SYT2: variants seen among roughly 807,000 people sequenced by gnomAD.
SYT2 encodes the protein synaptotagmin-2.
Under a neutral mutation model 39.9 loss-of-function variants are expected in SYT2, and 15 were observed. That is an observed-to-expected ratio of 0.38 (90% CI 0.25 to 0.58). The LOEUF is 0.58. SYT2 is among the 20% of genes least tolerant of loss of function. The pLI is 0.70. For missense variants in SYT2, 389 were observed against 530.3 expected (o/e 0.73, Z 2.62); for synonymous variants, 181 against 204.5 (o/e 0.89, Z 0.98).
At chr1:202,645,356 T>G (rs1165837451) in intron 1 of SYT2, among the ~76,000 whole-genome samples, 1 of 152,228 alleles carries the variant, frequency 6.6e-6, no homozygotes, top group African/African-American at 2.4e-5. Flanking sequence ...AAAGTGCTTC[T>G]GTTTTGAAAT....
chr1:202,653,924 T>A (rs535085823), intron 1 of SYT2, among the ~76,000 whole-genome samples: 1 of 152,274 alleles, frequency 6.6e-6, no homozygotes, highest in African/African-American at 2.4e-5. Flanking sequence ...TGGAGTGACA[T>A]CCCTGGGGCC....
At chr1:202,644,149 G>A (rs1692021473) in intron 1 of SYT2, among the ~76,000 whole-genome samples, 1 of 152,202 alleles carries the variant, frequency 6.6e-6, no homozygotes, top group South Asian at 2.1e-4. Flanking sequence ...CCTGGAGGGT[G>A]AGGTAAAGGC....
rs150491720 is a variant in SYT2, at chr1:202,644,433, G to C, written c.-17-38644C>G. 3.5e-3 allele frequency among the ~76,000 whole-genome samples: 538 copies of C among 152,218 alleles called. 3 individuals are homozygous for C. Among genetic ancestry groups the C allele is most frequent in the African/African-American group, 0.011 (464 of 41,534 alleles). Reference sequence around the variant, plus strand: ...GCCTGGGCAGCACTCCTGTGCCTCAGTGTCACCCTTGGGCCTCACCCTCAA... The same window carrying C: ...GCCTGGGCAGCACTCCTGTGCCTCACTGTCACCCTTGGGCCTCACCCTCAA... On this transcript the variant is annotated intron_variant, in intron 1 of 8. Coordinates refer to ENST00000367268, the MANE Select transcript of SYT2 (RefSeq NM_177402.5).
intron 1 of SYT2, among the ~76,000 whole-genome samples, chr1:202,606,937 C>T (rs1690726811): frequency 6.6e-6 from 1 of 151,844 alleles, no homozygotes; most frequent in East Asian, 1.9e-4. Flanking sequence ...AAGCCTTTTC[C>T]TTTATTGTTT....
At chr1:202,655,893 C>T (rs189773744) in intron 1 of SYT2, among the ~76,000 whole-genome samples, 11 of 152,238 alleles carry the variant, frequency 7.2e-5, no homozygotes, top group African/African-American at 2.4e-4. Flanking sequence ...GGTGATCATG[C>T]GCAAGGTGAC....
At chr1:202,655,284 G>A (rs1328453744) in intron 1 of SYT2, among the ~76,000 whole-genome samples, 3 of 152,184 alleles carry the variant, frequency 2.0e-5, no homozygotes, top group Non-Finnish European at 4.4e-5. Context: ...CCCAGGACAG[G>A]CCTTGAGGAA....
At chr1:202,682,610 G>A (rs1035248733) in intron 1 of SYT2, among the ~76,000 whole-genome samples, 5 of 152,112 alleles carry the variant, frequency 3.3e-5, no homozygotes, top group Admixed American at 6.5e-5. Flanking sequence ...CATAGGCGTG[G>A]AGTGGCAAAG....
intron 1 of SYT2, among the ~76,000 whole-genome samples, chr1:202,676,768 G>C (rs1240977242): frequency 6.6e-6 from 1 of 152,204 alleles, no homozygotes; most frequent in East Asian, 1.9e-4. Flanking sequence ...ATAATGCTGA[G>C]TGAGAAAAAG....
chr1:202,643,482 T>TC (rs1355902221), intron 1 of SYT2: 1 of 152,364 alleles, frequency 6.6e-6, no homozygotes, highest in African/African-American at 2.4e-5. Context: ...TCTGCAGTAG[T>TC]AACAACCTGA....
At chr1:202,648,341 T>C (rs1692130289) in intron 1 of SYT2, among the ~76,000 whole-genome samples, 1 of 152,044 alleles carries the variant, frequency 6.6e-6, no homozygotes, top group African/African-American at 2.4e-5. Flanking sequence ...CCACCATGCC[T>C]GGCTAATTTT....
At chr1:202,631,906 A>T in intron 1 of SYT2, 1 of 487,576 alleles carries the variant, frequency 2.1e-6, no homozygotes, top group Non-Finnish European at 2.7e-6. Flanking sequence ...GAGCCTCTAA[A>T]TCTCTGACAT....
intron 1 of SYT2, among the ~76,000 whole-genome samples, chr1:202,668,127 C>G (rs1189450231): frequency 6.6e-6 from 1 of 152,224 alleles, no homozygotes; most frequent in Non-Finnish European, 1.5e-5. Context: ...GGCAGAAGAT[C>G]TATAGCCCCC....
intron 1 of SYT2, among the ~76,000 whole-genome samples, chr1:202,701,650 G>A (rs1258473818): frequency 6.6e-6 from 1 of 152,170 alleles, no homozygotes; most frequent in Admixed American, 6.5e-5. Context: ...ATGGTAAGGT[G>A]CCAGCAGCTT....
intron 1 of SYT2, among the ~76,000 whole-genome samples, chr1:202,630,869 T>C (rs1304313191): frequency 2.0e-5 from 3 of 152,174 alleles, no homozygotes; most frequent in Non-Finnish European, 4.4e-5. Context: ...GCCTCCCTGC[T>C]CTGGGCCAGA....
intron 1 of SYT2, among the ~76,000 whole-genome samples, chr1:202,683,403 G>A (rs886534234): frequency 6.6e-6 from 1 of 152,150 alleles, no homozygotes. Flanking sequence ...ACAACAGGGT[G>A]CATTTCACAA....
At chr1:202,653,683 G>A (rs1384246705) in intron 1 of SYT2, among the ~76,000 whole-genome samples, 2 of 152,204 alleles carry the variant, frequency 1.3e-5, no homozygotes, top group African/African-American at 4.8e-5. Flanking sequence ...ACTGGGCGCT[G>A]GAGTCCCACG....
intron 1 of SYT2, among the ~76,000 whole-genome samples, chr1:202,677,551 A>G (rs984239032): frequency 2.6e-5 from 4 of 152,026 alleles, no homozygotes; most frequent in East Asian, 1.9e-4. Flanking sequence ...GCCAGCCCCA[A>G]CTCGCCATGT....
chr1:202,639,295 G>A (rs1407772187), intron 1 of SYT2, among the ~76,000 whole-genome samples: 4 of 152,192 alleles, frequency 2.6e-5, no homozygotes, highest in South Asian at 2.1e-4. Context: ...CCTTTCTGCT[G>A]CAGTCAAGGC....
At chr1:202,685,258 T>C (rs1653632961) in intron 1 of SYT2, among the ~76,000 whole-genome samples, 2 of 152,134 alleles carry the variant, frequency 1.3e-5, no homozygotes, top group Non-Finnish European at 2.9e-5. Flanking sequence ...TTAAGAGAAA[T>C]AGAAGAGGGG....
Sources: allele counts gnomAD v4.1 joint callset (sites outside exome capture counted in the v4.1 genomes callset), GRCh38; gene constraint gnomAD v4.1.1; transcripts MANE v1.5; gene names NCBI Gene and HGNC (gene_info 2026-07-23, HGNC 2026-07-21).